POLQ: variants seen among roughly 807,000 people sequenced by gnomAD.
POLQ encodes epididymis secretory sperm binding protein.
In POLQ, 233 loss-of-function variants were observed where a neutral mutation model predicts 259.2. That is an observed-to-expected ratio of 0.90 (90% CI 0.81 to 1.00). The LOEUF is 1.00. POLQ is among the 50% of genes least tolerant of loss of function. POLQ has a pLI of 0.00. For missense variants in POLQ, 2,871 were observed against 3,051.6 expected (o/e 0.94, Z 1.39); for synonymous variants, 1,025 against 1,048.8 (o/e 0.98, Z 0.44).
intron 14 of POLQ, chr3:121,494,682 G>A (rs940334562): frequency 1.3e-5 from 21 of 1,577,050 alleles, no homozygotes; most frequent in Admixed American, 8.4e-5. Context: ...AGACTGGGAC[G>A]TCTAGTCCAC....
At position 121,472,995 on chromosome 3, in the gene POLQ, G is replaced by A. The variant is rs139797226; in HGVS notation, c.6543+355C>T. On this transcript the variant is annotated intron_variant, in intron 21 of 29. Transcript: ENST00000264233. ...TCCCAGCACGTTGGGAGGCTGAGGC[G>A]GGAGGATCCCTTGAGGTCAGGAGTT... Among the ~76,000 whole-genome samples, 143 of 152,306 alleles carry A rather than the reference G, an allele frequency of 9.4e-4. 2 individuals are homozygous for A. In the East Asian group the frequency reaches 0.024, roughly 25 times the overall value.
rs2048055345 is a variant in POLQ, at chr3:121,490,189, AC to A, written c.2741del (p.Ser914MetfsTer5). Reference protein sequence around the residue: ...LHSSTCSLTHSESEVKEHTFI... With the variant: ...LHSSTCSLTHXESEVKEHTFI... ...ATGTGTGTTCCTTTACTTCGGACTCACTATGAGTCAATGAGCATGTACTAGA... is the reference window on the plus strand; with the variant it reads ...ATGTGTGTTCCTTTACTTCGGACTCATATGAGTCAATGAGCATGTACTAGA... On this transcript the variant is annotated frameshift_variant, in exon 16 of 30. Transcript: ENST00000264233. LOFTEE classifies it high-confidence loss of function. 3 of 1,613,554 alleles carry A rather than the reference AC, an allele frequency of 1.9e-6. No homozygotes were observed. Among genetic ancestry groups the A allele is most frequent in the Non-Finnish European group, 2.5e-6 (3 of 1,179,672 alleles).
chr3:121,499,295 CTTG>C (rs2048148026), intron 12 of POLQ, among the ~76,000 whole-genome samples: 1 of 140,868 alleles, frequency 7.1e-6, no homozygotes, highest in African/African-American at 2.6e-5. Flanking sequence ...GAGACAAGGT[CTTG>C]TTCTATCATC....
At chr3:121,531,579 GAGA>G (rs1157746424) in intron 6 of POLQ, among the ~76,000 whole-genome samples, 1 of 152,208 alleles carries the variant, frequency 6.6e-6, no homozygotes, top group African/African-American at 2.4e-5. Context: ...GCAAGTTTCT[GAGA>G]AGAAGGGTAA....
rs2048055112 is a variant in POLQ at position 121,490,173 on chromosome 3, C to T, written c.2758G>A (p.Glu920Lys). 1 of 1,612,328 alleles carries T rather than the reference C, an allele frequency of 6.2e-7. No individual in the cohort carries two copies. The highest frequency in any genetic ancestry group is 2.2e-5 in the East Asian group (1 of 44,886). The change falls in exon 16 of 30, where the codon GAA (glutamate) becomes AAA (lysine). Residue 920 changes from glutamate (E) to lysine (K), a missense_variant. By Grantham distance (56) the Glu-to-Lys change is moderately conservative. Coordinates refer to ENST00000264233, the MANE Select transcript of POLQ (RefSeq NM_199420.4). ...SLTHSESEVK[E>K]HTFISQTKSS... Reference sequence around the variant, plus strand: ...TTAGTTTGGGATATAAATGTGTGTTCCTTTACTTCGGACTCACTATGAGTC... The same window carrying T: ...TTAGTTTGGGATATAAATGTGTGTTTCTTTACTTCGGACTCACTATGAGTC...
At chr3:121,438,376 C>A (rs1183878231) in intron 27 of POLQ, among the ~76,000 whole-genome samples, 1 of 152,144 alleles carries the variant, frequency 6.6e-6, no homozygotes, top group East Asian at 1.9e-4. Context: ...CTACATATTC[C>A]ATTTTTTATC....
intron 26 of POLQ, among the ~76,000 whole-genome samples, chr3:121,442,595 C>T (rs1053021659): frequency 6.6e-6 from 1 of 152,158 alleles, no homozygotes; most frequent in Non-Finnish European, 1.5e-5. Context: ...CCTCCAGTTC[C>T]ATCCCTGTTG....
intron 12 of POLQ, among the ~76,000 whole-genome samples, chr3:121,505,439 GA>G (rs923866792): frequency 6.6e-6 from 1 of 152,162 alleles, no homozygotes; most frequent in African/African-American, 2.4e-5. Flanking sequence ...TGCCCTACCA[GA>G]AAGTTTTTAA....
intron 25 of POLQ, among the ~76,000 whole-genome samples, chr3:121,452,990 C>A (rs1458643037): frequency 6.6e-6 from 1 of 152,236 alleles, no homozygotes; most frequent in African/African-American, 2.4e-5. Context: ...AGGCACCCCC[C>A]AGTAGGGGCA....
chr3:121,482,671 A>G (rs1000195330), intron 18 of POLQ, among the ~76,000 whole-genome samples: 3 of 152,082 alleles, frequency 2.0e-5, no homozygotes, highest in African/African-American at 7.2e-5. Context: ...CAACTTCCTC[A>G]TAAGACTAGG....
At chr3:121,494,713 C>T (rs1201326391) in intron 14 of POLQ, 4 of 1,579,758 alleles carry the variant, frequency 2.5e-6, no homozygotes, top group East Asian at 2.2e-5. Flanking sequence ...GCACCACTGT[C>T]GCCTTCACAC....
rs746194784 is a variant in POLQ at position 121,544,727 on chromosome 3, C to T, written c.343G>A (p.Ala115Thr). Reference sequence around the variant, plus strand: ...AATTAGTTTACATAAATTTGGATACCTGAATAAACTAAATTCTTTCCTTCC... The same window carrying T: ...AATTAGTTTACATAAATTTGGATACTTGAATAAACTAAATTCTTTCCTTCC... ...VLEGKNLVYS[A>T]PTSAGKTLVA... Residue 115 changes from alanine to threonine, a missense_variant and splice_region_variant, in exon 2 of 30, where the codon GCT becomes ACT. Ala to Thr is a moderately conservative substitution (Grantham distance 58). Coordinates refer to ENST00000264233, the MANE Select transcript of POLQ (RefSeq NM_199420.4). 6.3e-6 allele frequency: 10 copies of T among 1,588,758 alleles called. No homozygotes were observed. Among genetic ancestry groups the T allele is most frequent in the African/African-American group, 5.4e-5 (4 of 74,288 alleles).
Position 121,442,155 on chromosome 3 carries a change from A to T in POLQ, c.7265-2039T>A, listed in dbSNP as rs530721180. The stretch of plus-strand genomic sequence containing the variant: ...TACCTTGCTTTTACATTTTTCATAA[A>T]TTTTTAATTTTTGTGGGTATATAGT... On this transcript the variant is annotated intron_variant, in intron 26 of 29. Transcript: ENST00000264233. Among the ~76,000 whole-genome samples, 9 of 152,242 alleles carry T rather than the reference A, an allele frequency of 5.9e-5. No individual in the cohort carries two copies. The East Asian group carries it at 1.7e-3, about 29-fold the overall frequency.
At chr3:121,477,311 G>T (rs997187362) in intron 19 of POLQ, among the ~76,000 whole-genome samples, 3 of 152,028 alleles carry the variant, frequency 2.0e-5, no homozygotes, top group Non-Finnish European at 4.4e-5. Flanking sequence ...GCTTTCTGAT[G>T]GTTCAGTGTA....
intron 27 of POLQ, among the ~76,000 whole-genome samples, chr3:121,439,464 C>T (rs529552709): frequency 1.4e-4 from 21 of 152,144 alleles, no homozygotes; most frequent in African/African-American, 2.9e-4. Context: ...AACTCCTGGG[C>T]GCAAGCAATC....
intron 26 of POLQ, among the ~76,000 whole-genome samples, chr3:121,443,920 T>C (rs1377589148): frequency 6.6e-6 from 1 of 152,174 alleles, no homozygotes; most frequent in African/African-American, 2.4e-5. Context: ...CTTTCTGGGT[T>C]CTCTATTCTG....
In POLQ at chr3:121,533,213, T is replaced by TA. The variant is rs1560108708; in HGVS notation, c.741-5dup. The TA allele has an allele frequency of 8.4e-6, 13 of 1,541,592 alleles. No homozygotes were observed. Among genetic ancestry groups the TA allele is most frequent in the Non-Finnish European group, 9.7e-6 (11 of 1,139,844 alleles). ...AGAACTGGCTAGATCTGCCTGACTG[T>TA]AAAAAAACAAATGAAAAGAACATTA... On this transcript the variant is annotated splice_region_variant and splice_polypyrimidine_tract_variant and intron_variant, in intron 5 of 29. Coordinates refer to ENST00000264233, the MANE Select transcript of POLQ (RefSeq NM_199420.4).
intron 27 of POLQ, 21 bp from the exon 28 acceptor site, chr3:121,436,296 G>A (rs1284752848): frequency 6.2e-7 from 1 of 1,612,178 alleles, no homozygotes; most frequent in Non-Finnish European, 8.5e-7. Flanking sequence ...CAATCAACAG[G>A]TGCTCCACCA....
At chr3:121,536,142 C>A (rs911048236) in intron 5 of POLQ, among the ~76,000 whole-genome samples, 32 of 152,166 alleles carry the variant, frequency 2.1e-4, no homozygotes, top group African/African-American at 7.2e-4. Flanking sequence ...CAGAAGTAAT[C>A]ATATTACACT....
Sources: gnomAD v4.1 joint callset for allele counts (sites outside exome capture counted in the v4.1 genomes callset) on GRCh38, gnomAD v4.1.1 for gene constraint, MANE v1.5 for transcripts, NCBI Gene and HGNC (gene_info 2026-07-23, HGNC 2026-07-21) for gene names.